The following RGS6 variants were observed in gnomAD, a reference collection of about 807,000 sequenced individuals.
RGS6 encodes regulator of G-protein signaling 6.
RGS6 carries 30 observed loss-of-function variants against 78.5 expected under a neutral mutation model. The ratio of observed to expected loss-of-function variants is 0.38; its 90% CI spans 0.29 to 0.52. The LOEUF is 0.52. RGS6 is among the 20% of genes least tolerant of loss of function. RGS6 has a pLI of 0.85. For missense variants in RGS6, 495 were observed against 609.7 expected (o/e 0.81, Z 1.98); for synonymous variants, 206 against 206.0 (o/e 1.00, Z 0.00).
chr14:72,526,898 A>G (rs2097127008), intron 15 of RGS6, among the ~76,000 whole-genome samples: 2 of 152,232 alleles, frequency 1.3e-5, no homozygotes, highest in South Asian at 4.1e-4. Context: ...GTGCTGAAGA[A>G]AAGCTCATTT....
chr14:72,129,836 G>A (rs1436859554), intron 2 of RGS6, among the ~76,000 whole-genome samples: 1 of 152,184 alleles, frequency 6.6e-6, no homozygotes, highest in African/African-American at 2.4e-5. Flanking sequence ...CAGATTCAAA[G>A]GGAGGGAAAA....
At chr14:72,125,236 C>T (rs1039329834) in intron 2 of RGS6, among the ~76,000 whole-genome samples, 26 of 152,168 alleles carry the variant, frequency 1.7e-4, no homozygotes, top group Admixed American at 1.6e-3. Flanking sequence ...TACCACCTAT[C>T]CAGGTGCCCT....
chr14:72,348,492 T>C (rs1183970747), intron 2 of RGS6, among the ~76,000 whole-genome samples: 1 of 152,208 alleles, frequency 6.6e-6, no homozygotes, highest in Non-Finnish European at 1.5e-5. Context: ...GTAATTTTCA[T>C]TGGGTCTGTA....
chr14:72,183,804 G>A (rs149181902), intron 2 of RGS6, among the ~76,000 whole-genome samples: 4 of 152,200 alleles, frequency 2.6e-5, no homozygotes, highest in Non-Finnish European at 5.9e-5. Flanking sequence ...CCTCAGAGCT[G>A]CCTCTATGTG....
At chr14:71,906,305 G>A in the RGS6 span, among the ~76,000 whole-genome samples, 8 of 152,322 alleles carry the variant, frequency 5.3e-5, no homozygotes, top group Admixed American at 5.2e-4. Context: ...AAGGTGGGCA[G>A]GGTGCTGTCT....
At chr14:72,183,463 T>C (rs2097200167) in intron 2 of RGS6, among the ~76,000 whole-genome samples, 1 of 152,214 alleles carries the variant, frequency 6.6e-6, no homozygotes, top group Non-Finnish European at 1.5e-5. Flanking sequence ...ATAACATAGG[T>C]ATAATTGCAG....
In RGS6 at chr14:72,458,005, G is replaced by A. The variant is rs550602322; in HGVS notation, c.236-266G>A. On this transcript the variant is annotated intron_variant, in intron 4 of 17. Transcript: ENST00000553525. ...CAGAACTTATGCCCTTGACCCTGAA[G>A]CCAGACTTTCTTCTGAAGGTCAGGG... Among the ~76,000 whole-genome samples the A allele has an allele frequency of 6.6e-5, 10 of 152,264 alleles. No homozygotes were observed. In the South Asian group the frequency reaches 1.9e-3, roughly 28 times the overall value.
At chr14:72,168,952 C>T (rs1452136379) in intron 2 of RGS6, among the ~76,000 whole-genome samples, 1 of 152,250 alleles carries the variant, frequency 6.6e-6, no homozygotes, top group African/African-American at 2.4e-5. Context: ...CCTTTGCCTA[C>T]TTCTGGGTTT....
intron 3 of RGS6, among the ~76,000 whole-genome samples, chr14:72,399,841 AAG>A (rs1198742884): frequency 1.3e-5 from 2 of 152,226 alleles, no homozygotes; most frequent in Non-Finnish European, 2.9e-5. Flanking sequence ...TTAGAGAAAA[AAG>A]AATAAAAAGA....
chr14:72,494,760 G>A (rs944552201), intron 12 of RGS6, among the ~76,000 whole-genome samples: 1 of 152,188 alleles, frequency 6.6e-6, no homozygotes, highest in Admixed American at 6.5e-5. Context: ...GTCTGGTGGA[G>A]CTGTAGTGTC....
chr14:71,975,282 G>T (rs1327345887), intron 2 of RGS6, among the ~76,000 whole-genome samples: 6 of 152,176 alleles, frequency 3.9e-5, no homozygotes, highest in African/African-American at 1.2e-4. Flanking sequence ...CATTGTTTCT[G>T]TTGGGCAGTT....
intron 2 of RGS6, among the ~76,000 whole-genome samples, chr14:72,250,436 G>C (rs1353501207): frequency 8.0e-6 from 1 of 124,506 alleles, no homozygotes; most frequent in Admixed American, 7.9e-5. Context: ...TAAAAACATT[G>C]AGAAGTTTCT....
intron 12 of RGS6, among the ~76,000 whole-genome samples, chr14:72,483,837 C>T (rs777272290): frequency 1.3e-5 from 2 of 152,124 alleles, no homozygotes; most frequent in Non-Finnish European, 1.5e-5. Context: ...GCTCTTCTTC[C>T]TGCAGGGCTG....
intron 3 of RGS6, among the ~76,000 whole-genome samples, chr14:72,381,864 G>C (rs2086214832): frequency 1.3e-5 from 2 of 152,006 alleles, no homozygotes; most frequent in Non-Finnish European, 1.5e-5. Flanking sequence ...TGGAAAATAA[G>C]AGCATGCAAA....
chr14:72,102,390 A>C (rs922518645), intron 2 of RGS6, among the ~76,000 whole-genome samples: 1 of 152,244 alleles, frequency 6.6e-6, no homozygotes, highest in Non-Finnish European at 1.5e-5. Context: ...AAGAAATGAA[A>C]ATAAAAACTT....
chr14:72,039,103 T>A (rs562859433), intron 2 of RGS6, among the ~76,000 whole-genome samples: 1 of 152,332 alleles, frequency 6.6e-6, no homozygotes, highest in African/African-American at 2.4e-5. Flanking sequence ...ACATTTTACA[T>A]GTCAAAAGAG....
chr14:72,621,676 G>A, the RGS6 span, among the ~76,000 whole-genome samples: 91 of 152,198 alleles, frequency 6.0e-4, 1 homozygote, highest in Middle Eastern at 9.5e-3. Context: ...CAAGAGGCCC[G>A]GGGACCAGTT....
chr14:72,202,644 C>A (rs951121313), intron 2 of RGS6, among the ~76,000 whole-genome samples: 1 of 152,076 alleles, frequency 6.6e-6, no homozygotes, highest in African/African-American at 2.4e-5. Context: ...GCCCAGATGT[C>A]CCCCAAAGTG....
intron 3 of RGS6, among the ~76,000 whole-genome samples, chr14:72,395,571 T>C (rs1176916032): frequency 6.6e-6 from 1 of 152,148 alleles, no homozygotes; most frequent in African/African-American, 2.4e-5. Context: ...TTAGGGTACA[T>C]GTGCACAACA....
Sources: gnomAD v4.1 joint callset for allele counts (sites outside exome capture counted in the v4.1 genomes callset) on GRCh38, gnomAD v4.1.1 for gene constraint, MANE v1.5 for transcripts, NCBI Gene and HGNC (gene_info 2026-07-23, HGNC 2026-07-21) for gene names.